Variants in FAXC observed in about 807,000 individuals in gnomAD.
FAXC encodes failed axon connections homolog.
Under a neutral mutation model 41.9 loss-of-function variants are expected in FAXC, and 10 were observed. That is an observed-to-expected ratio of 0.24 (90% CI 0.15 to 0.41). The LOEUF is 0.41. Ranked by LOEUF, FAXC falls within the 10% of genes least tolerant of loss-of-function variation. The pLI is 1.00. For missense variants in FAXC, 399 were observed against 510.9 expected, an observed-to-expected ratio of 0.78 and a Z score of 2.11; for synonymous variants, 183 against 183.8, an observed-to-expected ratio of 1.00 and a Z score of 0.03.
chr6:99,326,378 A>G (rs1332771591), intron 3 of FAXC, among the ~76,000 whole-genome samples: 2 of 152,206 alleles, frequency 1.3e-5, no homozygotes, highest in Non-Finnish European at 2.9e-5. Flanking sequence ...GTAAAGATTT[A>G]TGGGTAAGGA....
chr6:99,284,997 C>T (rs774128712), intron 5 of FAXC, among the ~76,000 whole-genome samples: 28 of 145,426 alleles, frequency 1.9e-4, no homozygotes, highest in Non-Finnish European at 3.3e-4. Flanking sequence ...ACTCAACAAT[C>T]GGATAACAGT....
chr6:99,291,057 G>A (rs184919425), intron 5 of FAXC, among the ~76,000 whole-genome samples: 2 of 152,176 alleles, frequency 1.3e-5, no homozygotes, highest in East Asian at 1.9e-4. Context: ...TGATCCACCC[G>A]CCTTGGCCTC....
At chr6:99,344,999 G>A (rs984259267) in intron 1 of FAXC, among the ~76,000 whole-genome samples, 5 of 152,030 alleles carry the variant, frequency 3.3e-5, no homozygotes, top group African/African-American at 7.3e-5. Flanking sequence ...TTTAGAATGG[G>A]TACTGTTACA....
chr6:99,281,370 T>C lies in FAXC; in HGVS notation c.1024A>G (p.Ile342Val). Residue 342 changes from isoleucine (I) to valine (V), a missense_variant, in exon 6 of 6, where the codon ATC becomes GTC. Transcript: ENST00000389677. ...TCGCTGCTCTCCTCAGACTCATAGA[T>C]GGTATTGTCATCATCGTGGTGCCAC... Reference protein sequence around the residue: ...PEWHHDDDNTIYESEESSEGS... With the variant: ...PEWHHDDDNTVYESEESSEGS... 1 of 1,614,182 alleles carries C rather than the reference T, an allele frequency of 6.2e-7. No homozygotes were observed. Among genetic ancestry groups the C allele is most frequent in the Non-Finnish European group, 8.5e-7 (1 of 1,180,018 alleles).
intron 2 of FAXC, among the ~76,000 whole-genome samples, chr6:99,341,892 A>G (rs1206737831): frequency 8.9e-6 from 1 of 112,812 alleles, no homozygotes; most frequent in Non-Finnish European, 1.9e-5. Flanking sequence ...TGACCATCAA[A>G]TTAAAAATGA....
chr6:99,340,257 C>T (rs1382431182), intron 2 of FAXC, among the ~76,000 whole-genome samples: 2 of 151,714 alleles, frequency 1.3e-5, no homozygotes, highest in Admixed American at 6.6e-5. Flanking sequence ...ACGCCACTAC[C>T]GCCCAGCTAA....
intron 1 of FAXC, among the ~76,000 whole-genome samples, chr6:99,344,477 GC>G (rs1773528076): frequency 6.6e-6 from 1 of 151,982 alleles, no homozygotes; most frequent in African/African-American, 2.4e-5. Flanking sequence ...TCACATGGAT[GC>G]CCACTTCCTG....
chr6:99,329,375 C>G (rs1772946903), intron 3 of FAXC, among the ~76,000 whole-genome samples: 1 of 152,072 alleles, frequency 6.6e-6, no homozygotes, highest in South Asian at 2.1e-4. Context: ...AGATATCATG[C>G]ATTATAACTT....
At chr6:99,333,630 A>G in intron 2 of FAXC, 83 bp from the exon 3 acceptor site, 1 of 1,195,046 alleles carries the variant, frequency 8.4e-7, no homozygotes. Context: ...AAACATTCCA[A>G]CCTTATGTTT....
chr6:99,290,467 C>T (rs952003743), intron 5 of FAXC, among the ~76,000 whole-genome samples: 2 of 151,874 alleles, frequency 1.3e-5, no homozygotes, highest in Non-Finnish European at 2.9e-5. Context: ...TTTGGGAGGC[C>T]GAGGTGGGCA....
chr6:99,308,126 G>A (rs1173602315), intron 4 of FAXC, among the ~76,000 whole-genome samples: 2 of 152,044 alleles, frequency 1.3e-5, no homozygotes, highest in Admixed American at 6.5e-5. Context: ...GTGAAACCTC[G>A]TCTCTACTAA....
chr6:99,289,719 G>GTA (rs756233571), intron 5 of FAXC, among the ~76,000 whole-genome samples: 13 of 124,860 alleles, frequency 1.0e-4, no homozygotes, highest in Non-Finnish European at 2.0e-4. Flanking sequence ...GTGTGTGTGT[G>GTA]TATATATATA....
chr6:99,315,968 G>C (rs1419340806), intron 4 of FAXC, among the ~76,000 whole-genome samples: 2 of 152,102 alleles, frequency 1.3e-5, no homozygotes, highest in Non-Finnish European at 2.9e-5. Context: ...GATAGCTGCT[G>C]TATCACCACC....
intron 4 of FAXC, among the ~76,000 whole-genome samples, chr6:99,315,762 C>T (rs1772327565): frequency 6.6e-6 from 1 of 152,176 alleles, no homozygotes; most frequent in Admixed American, 6.5e-5. Context: ...TCCTGGAGTC[C>T]ATGCTTGGCT....
chr6:99,298,116 C>G (rs181602146), intron 4 of FAXC, among the ~76,000 whole-genome samples: 14 of 152,260 alleles, frequency 9.2e-5, no homozygotes, highest in Admixed American at 9.2e-4. Context: ...TTGGACCAGA[C>G]TGTGAATAGC....
chr6:99,309,840 A>C lies in FAXC; in HGVS notation c.823+13604T>G, dbSNP rs1474008295. ...TGTAAGAGGGTGAGGTACTCACCAG[A>C]ATGCAATCAATACAGGTAAAGTTAA... On this transcript the variant is annotated intron_variant, in intron 4 of 5. Coordinates refer to ENST00000389677, the MANE Select transcript of FAXC (RefSeq NM_032511.4). 4.5e-6 allele frequency: 4 copies of C among 895,904 alleles called. No homozygotes were observed. The African/African-American group carries it at 7.2e-5, about 16-fold the overall frequency. 55.5% of individuals were successfully genotyped at this position (895,904 alleles called of 1,614,324 possible).
chr6:99,275,052 G>A lies in FAXC; in HGVS notation c.*6112C>T, dbSNP rs1486638610. 6.6e-6 allele frequency: 1 copy of A among 151,888 alleles called. No individual in the cohort carries two copies. Among genetic ancestry groups the A allele is most frequent in the Non-Finnish European group, 1.5e-5 (1 of 67,972 alleles). 9.4% of individuals were successfully genotyped at this position (151,888 alleles called of 1,614,324 possible). On this transcript the variant is annotated 3_prime_UTR_variant, in exon 6 of 6. Coordinates refer to ENST00000389677, the MANE Select transcript of FAXC (RefSeq NM_032511.4). ...GGATCTTATTTTTTTAGAAGCCATG[G>A]GGTAACTAAAAACAAAAAAGGTATT...
chr6:99,341,582 G>A (rs1773428988), intron 2 of FAXC, among the ~76,000 whole-genome samples: 4 of 152,110 alleles, frequency 2.6e-5, no homozygotes. Context: ...ACCTAACAAT[G>A]TAACCTAAAA....
At chr6:99,336,992 T>G (rs891067707) in intron 2 of FAXC, among the ~76,000 whole-genome samples, 1 of 152,216 alleles carries the variant, frequency 6.6e-6, no homozygotes, top group African/African-American at 2.4e-5. Flanking sequence ...CTGTGTGGAT[T>G]ATGACACACT....
Sources: gnomAD v4.1 joint callset for allele counts (sites outside exome capture counted in the v4.1 genomes callset) on GRCh38, gnomAD v4.1.1 for gene constraint, MANE v1.5 for transcripts, NCBI Gene and HGNC (gene_info 2026-07-23, HGNC 2026-07-21) for gene names.